The following ZDHHC21 variants were observed in gnomAD, a reference collection of about 807,000 sequenced individuals.
ZDHHC21 encodes zDHHC palmitoyltransferase 21.
A neutral mutation model predicts 34.6 loss-of-function variants in ZDHHC21; 15 were observed. That is an observed-to-expected ratio of 0.43 (90% CI 0.29 to 0.67). The LOEUF is 0.67. Among genes scored for constraint, ZDHHC21 ranks in the 30% least tolerant of loss-of-function variants. ZDHHC21 has a pLI of 0.14. For missense variants in ZDHHC21, 344 were observed against 327.7 expected (o/e 1.05, Z -0.38); for synonymous variants, 142 against 101.8 (o/e 1.40, Z -2.38).
At chr9:14,603,614 C>A in the ZDHHC21 span, among the ~76,000 whole-genome samples, 1 of 152,108 alleles carries the variant, frequency 6.6e-6, no homozygotes, top group African/African-American at 2.4e-5. Flanking sequence ...CGTTAATCTA[C>A]CCTCATGTGA....
At chr9:14,644,567 G>C (rs1829963417) in intron 7 of ZDHHC21, among the ~76,000 whole-genome samples, 1 of 151,810 alleles carries the variant, frequency 6.6e-6, no homozygotes, top group Admixed American at 6.6e-5. Context: ...GTTCTCCTAA[G>C]TTCTAGTTTA....
At chr9:14,688,606 A>G (rs1047155314) in intron 2 of ZDHHC21, among the ~76,000 whole-genome samples, 3 of 152,064 alleles carry the variant, frequency 2.0e-5, no homozygotes, top group African/African-American at 7.3e-5. Context: ...TCATGCCTGT[A>G]ATCCCAGCAC....
the ZDHHC21 span, chr9:14,589,670 T>G: frequency 6.6e-6 from 1 of 152,122 alleles, no homozygotes; most frequent in Non-Finnish European, 1.5e-5. Context: ...ATTTTCAGAG[T>G]TCACACAGGG....
chr9:14,664,431 G>A, intron 5 of ZDHHC21, among the ~76,000 whole-genome samples: 1 of 151,044 alleles, frequency 6.6e-6, no homozygotes, highest in South Asian at 2.1e-4. Context: ...CAGGCTGGGG[G>A]AGGGGCGCCC....
In ZDHHC21 at chr9:14,618,944, T is replaced by C; in HGVS notation, c.*22A>G. ...ACGCATTGCCAGCATGGAGGACCCATCTGTGCCCACCATCCATCTGTTTAG... is the reference window on the plus strand; with the variant it reads ...ACGCATTGCCAGCATGGAGGACCCACCTGTGCCCACCATCCATCTGTTTAG... On this transcript the variant is annotated 3_prime_UTR_variant, in exon 10 of 10. Transcript: ENST00000380916. 5.7e-6 allele frequency: 9 copies of C among 1,576,702 alleles called. No homozygotes were observed. Among genetic ancestry groups the C allele is most frequent in the Non-Finnish European group, 7.8e-6 (9 of 1,160,856 alleles).
Position 14,632,128 on chromosome 9 carries a change from G to T in ZDHHC21, c.621+7768C>A, listed in dbSNP as rs541167389. ...ACAATATAACAAGTATGCCTGTATA[G>T]CATATATACTGTGGATAAGAAATTA... On this transcript the variant is annotated intron_variant, in intron 8 of 9. Coordinates refer to ENST00000380916, the MANE Select transcript of ZDHHC21 (RefSeq NM_178566.6). Among the ~76,000 whole-genome samples, 11 of 151,318 alleles carry T rather than the reference G, an allele frequency of 7.3e-5. No homozygotes were observed. In the East Asian group the frequency reaches 2.1e-3, roughly 29 times the overall value.
chr9:14,691,148 A>G (rs1379022715), intron 1 of ZDHHC21, among the ~76,000 whole-genome samples: 1 of 152,190 alleles, frequency 6.6e-6, no homozygotes, highest in Non-Finnish European at 1.5e-5. Context: ...TTCCAGAAAA[A>G]CAGCTCCATG....
At chr9:14,621,356 T>C (rs1004151268) in intron 8 of ZDHHC21, among the ~76,000 whole-genome samples, 16 of 152,190 alleles carry the variant, frequency 1.1e-4, no homozygotes, top group Admixed American at 2.0e-4. Context: ...TACAACTTGT[T>C]TATAATCCTG....
At chr9:14,627,962 G>A (rs1826599407) in intron 8 of ZDHHC21, among the ~76,000 whole-genome samples, 1 of 152,128 alleles carries the variant, frequency 6.6e-6, no homozygotes, top group South Asian at 2.1e-4. Context: ...ACAGTCTGAA[G>A]TCTAAAAAAT....
chr9:14,692,091 C>G (rs1839241146), intron 1 of ZDHHC21, among the ~76,000 whole-genome samples: 1 of 152,194 alleles, frequency 6.6e-6, no homozygotes, highest in Non-Finnish European at 1.5e-5. Flanking sequence ...TTTCTCACCT[C>G]AATTCTTCAA....
intron 7 of ZDHHC21, among the ~76,000 whole-genome samples, chr9:14,654,863 A>C (rs1276021739): frequency 1.3e-5 from 2 of 152,024 alleles, no homozygotes; most frequent in Admixed American, 1.3e-4. Flanking sequence ...TTCAGAACAT[A>C]TGCAGCACAA....
chr9:14,611,045 G>C (rs1823213495), downstream of ZDHHC21: 1 of 151,830 alleles, frequency 6.6e-6, no homozygotes, highest in Admixed American at 6.6e-5. Context: ...TCCTAAGTAA[G>C]AAAGGTAAGA....
chr9:14,609,051 G>A (rs1564157534), downstream of ZDHHC21, among the ~76,000 whole-genome samples: 1 of 151,474 alleles, frequency 6.6e-6, no homozygotes, highest in Non-Finnish European at 1.5e-5. Context: ...AGTCTCAAAT[G>A]TATGTTCCTC....
chr9:14,606,966 A>ATT (rs1823032081), downstream of ZDHHC21, among the ~76,000 whole-genome samples: 3 of 152,000 alleles, frequency 2.0e-5, no homozygotes, highest in African/African-American at 7.2e-5. Context: ...AAAATTAAAA[A>ATT]TAAGTACATC....
chr9:14,597,766 C>T, the ZDHHC21 span, among the ~76,000 whole-genome samples: 1 of 152,254 alleles, frequency 6.6e-6, no homozygotes, highest in Middle Eastern at 3.4e-3. Context: ...CACAGCAACA[C>T]GAGCCCTGAC....
Position 14,616,887 on chromosome 9 carries a change from A to G in ZDHHC21, c.*2079T>C, listed in dbSNP as rs1305498695. 2 of 151,918 alleles carry G rather than the reference A, an allele frequency of 1.3e-5. No individual in the cohort carries two copies. Among genetic ancestry groups the G allele is most frequent in the African/African-American group, 2.4e-5 (1 of 41,426 alleles). 9.4% of individuals were successfully genotyped at this position (151,918 alleles called of 1,614,324 possible). The stretch of plus-strand genomic sequence containing the variant: ...AAGGTAAAGAGGAAGAGGGAAAAGA[A>G]TATGCCCTAGATGAGGTAAATCTAG... On this transcript the variant is annotated 3_prime_UTR_variant, in exon 10 of 10. Coordinates refer to ENST00000380916, the MANE Select transcript of ZDHHC21 (RefSeq NM_178566.6).
rs1195393140 is a variant in ZDHHC21, at chr9:14,616,984, ATAAATTAGCCAC to A, written c.*1970_*1981del. 2.6e-5 allele frequency: 4 copies of A among 151,972 alleles called. No individual in the cohort carries two copies. Among genetic ancestry groups the A allele is most frequent in the African/African-American group, 9.7e-5 (4 of 41,438 alleles). The allele number at this position is 151,972 out of a possible 1,614,324, so 9.4% of individuals were successfully genotyped here. On this transcript the variant is annotated 3_prime_UTR_variant, in exon 10 of 10. Transcript: ENST00000380916. ...AGTACCCACTGCTACTACATGAAGTATAAATTAGCCACAAAGTTCTTTAGGTGATCTTCACTT... is the reference window on the plus strand; with the variant it reads ...AGTACCCACTGCTACTACATGAAGTAAAAGTTCTTTAGGTGATCTTCACTT...
At chr9:14,594,043 A>G in the ZDHHC21 span, 1 of 152,182 alleles carries the variant, frequency 6.6e-6, no homozygotes, top group Non-Finnish European at 1.5e-5. Context: ...AGCATCTAAG[A>G]AATGGATAGC....
intron 8 of ZDHHC21, among the ~76,000 whole-genome samples, chr9:14,621,968 A>G (rs565705053): frequency 1.3e-5 from 2 of 152,170 alleles, no homozygotes; most frequent in Non-Finnish European, 2.9e-5. Context: ...GAAAGGACCA[A>G]TAAGATAACT....
Sources: allele counts gnomAD v4.1 joint callset (sites outside exome capture counted in the v4.1 genomes callset), GRCh38; gene constraint gnomAD v4.1.1; transcripts MANE v1.5; gene names NCBI Gene and HGNC (gene_info 2026-07-23, HGNC 2026-07-21).